GATAD2B: variants seen among roughly 807,000 people sequenced by gnomAD.
The protein encoded by GATAD2B is transcriptional repressor p66-beta.
GATAD2B carries 8 observed loss-of-function variants against 64.3 expected under a neutral mutation model. The ratio of observed to expected loss-of-function variants is 0.12; its 90% CI spans 0.07 to 0.22. The LOEUF (loss-of-function observed/expected upper bound fraction) is 0.22, where lower values mean the gene tolerates loss of function less well. Ranked by LOEUF, GATAD2B falls within the 10% of genes least tolerant of loss-of-function variation. The pLI is 1.00. For synonymous variants in GATAD2B, 281 were observed against 271.3 expected, an observed-to-expected ratio of 1.04 and a Z score of -0.35; for missense variants, 453 against 752.0, an observed-to-expected ratio of 0.60 and a Z score of 4.65.
At chr1:153,881,567 T>C (rs1677011769) in intron 1 of GATAD2B, among the ~76,000 whole-genome samples, 1 of 152,182 alleles carries the variant, frequency 6.6e-6, no homozygotes, top group South Asian at 2.1e-4. Context: ...CTTCTACACA[T>C]AGCCAAAAAC....
At chr1:153,824,350 C>G (rs1674793021) in intron 2 of GATAD2B, among the ~76,000 whole-genome samples, 1 of 152,064 alleles carries the variant, frequency 6.6e-6, no homozygotes, top group Admixed American at 6.5e-5. Context: ...TTGGGTTTGG[C>G]TAGGTGTGGT....
At chr1:153,863,388 T>C (rs1411590862) in intron 1 of GATAD2B, among the ~76,000 whole-genome samples, 1 of 151,346 alleles carries the variant, frequency 6.6e-6, no homozygotes, top group Non-Finnish European at 1.5e-5. Flanking sequence ...CCAAGCTAAT[T>C]GGGAGGCTGA....
intron 1 of GATAD2B, among the ~76,000 whole-genome samples, chr1:153,902,446 A>G (rs1218406646): frequency 2.0e-5 from 3 of 152,022 alleles, no homozygotes; most frequent in Admixed American, 2.0e-4. Flanking sequence ...TATACCTAGT[A>G]TTATAATTAT....
intron 1 of GATAD2B, among the ~76,000 whole-genome samples, chr1:153,899,524 C>T (rs543043446): frequency 6.7e-6 from 1 of 150,086 alleles, no homozygotes; most frequent in African/African-American, 2.4e-5. Context: ...CCCAAGATCG[C>T]GCCATTGCAC....
rs1399212074 is a variant in GATAD2B, at chr1:153,816,133, G to A, written c.1216+140C>T. 3 of 615,608 alleles carry A rather than the reference G, an allele frequency of 4.9e-6. No individual in the cohort carries two copies. Among genetic ancestry groups the A allele is most frequent in the Non-Finnish European group, 8.7e-6 (3 of 345,582 alleles). 38.1% of individuals were successfully genotyped at this position (615,608 alleles called of 1,614,324 possible). A position where few individuals can be genotyped will look rare whatever the true frequency, so the allele number is the denominator to read the frequency against. ...TCTAACATGTTGCTCCCAAACAGCT[G>A]TAAAGAAGGGAGGGAGGTGGTTTGG... is the stretch of plus-strand genomic sequence containing the variant. On this transcript the variant is annotated intron_variant, in intron 7 of 10. Transcript: ENST00000368655. This position sits in a 1 kb window ranked among gnomAD's most constrained non-coding sequence, Gnocchi z 4.9.
At chr1:153,841,180 C>T (rs1675481190) in intron 1 of GATAD2B, among the ~76,000 whole-genome samples, 1 of 151,616 alleles carries the variant, frequency 6.6e-6, no homozygotes, top group African/African-American at 2.4e-5. Flanking sequence ...AAGAAGATCT[C>T]ATGTACCCTT....
intron 1 of GATAD2B, among the ~76,000 whole-genome samples, chr1:153,857,425 G>A (rs1317105188): frequency 5.3e-5 from 8 of 152,082 alleles, no homozygotes; most frequent in South Asian, 2.1e-4. Context: ...TAGCCTGGGC[G>A]ACAGAGGGAG....
intron 1 of GATAD2B, among the ~76,000 whole-genome samples, chr1:153,835,608 A>T (rs1675234860): frequency 6.6e-6 from 1 of 151,776 alleles, no homozygotes; most frequent in Non-Finnish European, 1.5e-5. Context: ...GATGATTGTT[A>T]GTACTTTTTA....
chr1:153,888,479 CTTAAT>C lies in GATAD2B; in HGVS notation c.-2+34249_-2+34253del, dbSNP rs1302601843. Among the ~76,000 whole-genome samples, 5 of 152,260 alleles carry C rather than the reference CTTAAT, an allele frequency of 3.3e-5. No homozygotes were observed. In the East Asian group the frequency reaches 9.6e-4, roughly 29 times the overall value. On this transcript the variant is annotated intron_variant, in intron 1 of 10. Coordinates refer to ENST00000368655, the MANE Select transcript of GATAD2B (RefSeq NM_020699.4). ...GATGAGGTGTGCAAATACTTCATTT[CTTAAT>C]ACTTGATTGCTGATTATTTTCATTC...
intron 1 of GATAD2B, among the ~76,000 whole-genome samples, chr1:153,893,452 A>G (rs1047742394): frequency 2.0e-5 from 3 of 152,028 alleles, no homozygotes; most frequent in East Asian, 3.9e-4. Context: ...ACAAAAAAAG[A>G]CAAAAAGTTA....
chr1:153,824,311 A>AC (rs1200175077), intron 2 of GATAD2B, among the ~76,000 whole-genome samples: 1 of 152,110 alleles, frequency 6.6e-6, no homozygotes, highest in Non-Finnish European at 1.5e-5. Flanking sequence ...TTTAAAAATC[A>AC]CCCCAAAATA....
chr1:153,817,983 C>G, intron 5 of GATAD2B, 57 bp downstream of exon 5: 1 of 1,452,558 alleles, frequency 6.9e-7, no homozygotes, highest in Non-Finnish European at 9.2e-7. Context: ...AGCCCAAAAA[C>G]AGAGACAGGA....
intron 1 of GATAD2B, among the ~76,000 whole-genome samples, chr1:153,888,961 G>A (rs1041003978): frequency 6.6e-6 from 1 of 152,056 alleles, no homozygotes; most frequent in African/African-American, 2.4e-5. Context: ...ATATAGTGAC[G>A]TTCTACTCAA....
intron 1 of GATAD2B, among the ~76,000 whole-genome samples, chr1:153,856,403 T>C (rs1254266932): frequency 6.6e-6 from 1 of 152,210 alleles, no homozygotes; most frequent in Non-Finnish European, 1.5e-5. Context: ...AAAATGTTTA[T>C]GCTATATATC....
At chr1:153,840,614 G>A (rs1675450657) in intron 1 of GATAD2B, among the ~76,000 whole-genome samples, 1 of 152,138 alleles carries the variant, frequency 6.6e-6, no homozygotes, top group South Asian at 2.1e-4. Flanking sequence ...TGAGACTACA[G>A]GTGTGAGCCA....
intron 1 of GATAD2B, among the ~76,000 whole-genome samples, chr1:153,847,784 T>A (rs190196362): frequency 6.6e-6 from 1 of 152,284 alleles, no homozygotes; most frequent in Non-Finnish European, 1.5e-5. Context: ...CCATGTCTCA[T>A]CTCTTTTTTT....
chr1:153,893,890 G>A (rs557195748), intron 1 of GATAD2B, among the ~76,000 whole-genome samples: 4 of 144,836 alleles, frequency 2.8e-5, no homozygotes, highest in Non-Finnish European at 4.5e-5. Flanking sequence ...CCTGGGAGGC[G>A]GGGGCTGCAG....
intron 2 of GATAD2B, among the ~76,000 whole-genome samples, chr1:153,822,789 G>A (rs991933464): frequency 6.6e-6 from 1 of 152,070 alleles, no homozygotes; most frequent in African/African-American, 2.4e-5. Context: ...GAGCCACCGC[G>A]TCCAGCCTCT....
intron 1 of GATAD2B, among the ~76,000 whole-genome samples, chr1:153,895,952 G>C (rs1197664206): frequency 1.4e-5 from 2 of 147,144 alleles, no homozygotes; most frequent in Non-Finnish European, 3.0e-5. Context: ...CTGAACCCAG[G>C]AGTTCAAGAC....
Sources: gnomAD v4.1 joint callset for allele counts (sites outside exome capture counted in the v4.1 genomes callset) on GRCh38, gnomAD v4.1.1 for gene constraint, Gnocchi (gnomAD v3.1) non-coding constraint, MANE v1.5 for transcripts, NCBI Gene and HGNC (gene_info 2026-07-23, HGNC 2026-07-21) for gene names.